Variants in SGMS2 observed in about 807,000 individuals in gnomAD.
SGMS2 encodes sphingomyelin synthase 2, also known as phosphatidylcholine:ceramide cholinephosphotransferase 2.
A neutral mutation model predicts 43.8 loss-of-function variants in SGMS2; 21 were observed. The observed-to-expected ratio is 0.48, with a 90% CI of 0.34 to 0.69. SGMS2 has a LOEUF of 0.69. SGMS2 is among the 30% of genes least tolerant of loss of function. The pLI, the probability that SGMS2 is intolerant of heterozygous loss-of-function variation, is 0.01. For synonymous variants in SGMS2, 167 were observed against 160.6 expected (o/e 1.04, Z -0.30); for missense variants, 384 against 443.2 (o/e 0.87, Z 1.20).
intron 2 of SGMS2, among the ~76,000 whole-genome samples, chr4:107,877,274 T>TAAACA (rs1184430756): frequency 6.6e-6 from 1 of 152,188 alleles, no homozygotes; most frequent in African/African-American, 2.4e-5. Context: ...ATATCCTGTC[T>TAAACA]AAACAAAACA....
intron 6 of SGMS2, among the ~76,000 whole-genome samples, chr4:107,909,339 G>A (rs1241871074): frequency 6.6e-6 from 1 of 152,086 alleles, no homozygotes; most frequent in Admixed American, 6.5e-5. Context: ...TTGAACTCCT[G>A]ACCTCAGGTG....
chr4:107,856,546 C>G (rs1727439009), intron 1 of SGMS2, among the ~76,000 whole-genome samples: 1 of 152,194 alleles, frequency 6.6e-6, no homozygotes, highest in Admixed American at 6.5e-5. Flanking sequence ...GCAAAAGCAA[C>G]TATCTGCTTT....
intron 6 of SGMS2, among the ~76,000 whole-genome samples, chr4:107,909,109 AT>A (rs113023546): frequency 0.018 from 2,650 of 145,382 alleles, 66 homozygotes; most frequent in African/African-American, 0.055. Context: ...ATTTTTTTTA[AT>A]TTTTTTTTTT....
At chr4:107,908,828 G>A (rs1403917840) in intron 6 of SGMS2, 97 bp downstream of exon 6, 17 of 1,061,910 alleles carry the variant, frequency 1.6e-5, no homozygotes, top group Non-Finnish European at 1.9e-5. Flanking sequence ...GGGGATAACC[G>A]ATGTTGCCAC....
intron 1 of SGMS2, among the ~76,000 whole-genome samples, chr4:107,828,928 G>A (rs1725742120): frequency 6.6e-6 from 1 of 152,148 alleles, no homozygotes; most frequent in Non-Finnish European, 1.5e-5. Context: ...TTAAAGTACT[G>A]TTTGTGTGTG....
In SGMS2 at chr4:107,913,997, G is replaced by T. The variant is rs1732289583; in HGVS notation, c.*3444G>T. Reference sequence around the variant, plus strand: ...CTGTAGTGTAAGGAAGTGTGAGAAGGAGTTTCTTAATGAGTTTACACGTTT... The same window carrying T: ...CTGTAGTGTAAGGAAGTGTGAGAAGTAGTTTCTTAATGAGTTTACACGTTT... On this transcript the variant is annotated 3_prime_UTR_variant, in exon 7 of 7. Coordinates refer to ENST00000690982, the MANE Select transcript of SGMS2 (RefSeq NM_001375905.1). 1.3e-5 allele frequency: 2 copies of T among 152,242 alleles called. No individual in the cohort carries two copies. The highest frequency in any genetic ancestry group is 4.1e-4 in the South Asian group (2 of 4,826). The allele number at this position is 152,242 out of a possible 1,614,324, so 9.4% of individuals were successfully genotyped here.
At position 107,895,726 on chromosome 4, in the gene SGMS2, A is replaced by G. The variant is rs770787354; in HGVS notation, c.173A>G (p.Asp58Gly). The change falls in exon 3 of 7, where the codon GAC (aspartate) becomes GGC (glycine). Residue 58 changes from aspartate (D) to glycine (G), a missense_variant. Asp to Gly is a moderately conservative substitution (Grantham distance 94). Coordinates refer to ENST00000690982, the MANE Select transcript of SGMS2 (RefSeq NM_001375905.1). ...CGAAAAGGCACCAAAAAGTACCCGG[A>G]CTATATCCAAATTGCTATGCCCACT... ...GLRKGTKKYP[D>G]YIQIAMPTES... The G allele has an allele frequency of 2.5e-6, 4 of 1,613,984 alleles. No individual in the cohort carries two copies. The South Asian group carries it at 4.4e-5, about 18-fold the overall frequency.
intron 4 of SGMS2, among the ~76,000 whole-genome samples, chr4:107,901,457 A>G (rs1197078471): frequency 6.6e-6 from 1 of 152,178 alleles, no homozygotes; most frequent in Non-Finnish European, 1.5e-5. Context: ...TCATGAGTAT[A>G]AGCATGGCAG....
At chr4:107,870,731 A>G (rs1193730585) in intron 2 of SGMS2, among the ~76,000 whole-genome samples, 1 of 152,178 alleles carries the variant, frequency 6.6e-6, no homozygotes, top group Non-Finnish European at 1.5e-5. Context: ...ATAATTTTAG[A>G]AACAATAAAA....
At chr4:107,879,722 A>G (rs1729201209) in intron 2 of SGMS2, among the ~76,000 whole-genome samples, 1 of 152,146 alleles carries the variant, frequency 6.6e-6, no homozygotes, top group Admixed American at 6.5e-5. Flanking sequence ...TCAGCTTCCC[A>G]AAGTGCTGGG....
At chr4:107,854,222 G>A (rs917431280) in intron 1 of SGMS2, among the ~76,000 whole-genome samples, 1 of 152,130 alleles carries the variant, frequency 6.6e-6, no homozygotes, top group Non-Finnish European at 1.5e-5. Flanking sequence ...CAACTTTATC[G>A]TGTCTTCCAT....
Position 107,910,713 on chromosome 4 carries a change from C to T in SGMS2, c.*160C>T, listed in dbSNP as rs1732055129. 1.1e-5 allele frequency: 7 copies of T among 646,436 alleles called. No homozygotes were observed. The highest frequency in any genetic ancestry group is 3.0e-5 in the Admixed American group (1 of 33,130). The allele number at this position is 646,436 out of a possible 1,614,324, so 40.0% of individuals were successfully genotyped here. ...AGATGAACAAAGTATTGCCCTTTGA[C>T]TGGTTTTCTTCTTCATCCTGAGAAA... On this transcript the variant is annotated 3_prime_UTR_variant, in exon 7 of 7. Coordinates refer to ENST00000690982, the MANE Select transcript of SGMS2 (RefSeq NM_001375905.1).
intron 2 of SGMS2, among the ~76,000 whole-genome samples, chr4:107,875,317 A>G (rs773529461): frequency 5.9e-5 from 9 of 152,202 alleles, no homozygotes; most frequent in Non-Finnish European, 1.2e-4. Context: ...ATGGAATACT[A>G]TGCAGCCATA....
chr4:107,894,075 T>C (rs766195737), intron 2 of SGMS2, among the ~76,000 whole-genome samples: 12 of 152,218 alleles, frequency 7.9e-5, no homozygotes, highest in Non-Finnish European at 1.5e-4. Flanking sequence ...TAAACAGACA[T>C]TGCCTGTACA....
chr4:107,828,012 AG>A (rs1426681088), intron 1 of SGMS2, among the ~76,000 whole-genome samples: 1 of 152,154 alleles, frequency 6.6e-6, no homozygotes, highest in Non-Finnish European at 1.5e-5. Context: ...AAACAAAAAA[AG>A]ATTTATTTGC....
At chr4:107,845,078 G>A (rs1478434919) in intron 1 of SGMS2, among the ~76,000 whole-genome samples, 1 of 152,166 alleles carries the variant, frequency 6.6e-6, no homozygotes, top group Non-Finnish European at 1.5e-5. Flanking sequence ...TGCTGAGCCA[G>A]GAAGGGAAAC....
At chr4:107,908,954 A>G (rs1731852574) in intron 6 of SGMS2, among the ~76,000 whole-genome samples, 1 of 152,234 alleles carries the variant, frequency 6.6e-6, no homozygotes, top group African/African-American at 2.4e-5. Context: ...GTGCATTGCT[A>G]ATTCAGGTAA....
intron 2 of SGMS2, among the ~76,000 whole-genome samples, chr4:107,873,021 A>G (rs1285363797): frequency 6.6e-6 from 1 of 152,222 alleles, no homozygotes; most frequent in South Asian, 2.1e-4. Flanking sequence ...AGAGATTCTC[A>G]AAAGAATGGT....
rs780176273 is a variant in SGMS2 at position 107,910,411 on chromosome 4, A to AT, written c.963dup (p.Glu322Ter). 4 of 1,613,882 alleles carry AT rather than the reference A, an allele frequency of 2.5e-6. No homozygotes were observed. The highest frequency in any genetic ancestry group is 2.5e-6 in the Non-Finnish European group (3 of 1,179,978). ...CGAGCATGGTGGTTCCCCATCTTTT[A>AT]TTTTTTTGAGAAAAATGTACAAGGC... On this transcript the variant is annotated frameshift_variant, in exon 7 of 7. Coordinates refer to ENST00000690982, the MANE Select transcript of SGMS2 (RefSeq NM_001375905.1). LOFTEE classifies it high-confidence loss of function.
Sources: allele counts gnomAD v4.1 joint callset (sites outside exome capture counted in the v4.1 genomes callset), GRCh38; gene constraint gnomAD v4.1.1; transcripts MANE v1.5; gene names NCBI Gene and HGNC (gene_info 2026-07-23, HGNC 2026-07-21).